The following PITPNC1 variants were observed in gnomAD, a reference collection of about 807,000 sequenced individuals.
The protein encoded by PITPNC1 is phosphatidylinositol transfer protein cytoplasmic 1.
In PITPNC1, 18 loss-of-function variants were observed where a neutral mutation model predicts 44.7. That is an observed-to-expected ratio of 0.40 (90% CI 0.28 to 0.60). The LOEUF (loss-of-function observed/expected upper bound fraction) is 0.60, where lower values mean the gene tolerates loss of function less well. PITPNC1 is among the 20% of genes least tolerant of loss of function. The pLI is 0.39. For missense variants in PITPNC1, 290 were observed against 418.4 expected (o/e 0.69, Z 2.68); for synonymous variants, 141 against 149.6 (o/e 0.94, Z 0.42).
chr17:67,551,048 G>A (rs1363359387), intron 2 of PITPNC1, among the ~76,000 whole-genome samples: 3 of 152,050 alleles, frequency 2.0e-5, no homozygotes, highest in South Asian at 2.1e-4. Context: ...GTGACAGAGC[G>A]AGACTCCGTG....
intron 1 of PITPNC1, among the ~76,000 whole-genome samples, chr17:67,401,846 GAAAAA>G (rs532449251): frequency 2.8e-5 from 4 of 144,734 alleles, no homozygotes; most frequent in African/African-American, 7.7e-5. Context: ...CTACCTCAAA[GAAAAA>G]AAAAAAAGAA....
intron 4 of PITPNC1, among the ~76,000 whole-genome samples, chr17:67,559,910 A>G (rs1344670539): frequency 6.6e-6 from 1 of 152,106 alleles, no homozygotes; most frequent in Non-Finnish European, 1.5e-5. Context: ...AAACCCAAAA[A>G]CAAAGAAGAT....
At chr17:67,427,464 G>A (rs966031489) in intron 1 of PITPNC1, among the ~76,000 whole-genome samples, 17 of 152,022 alleles carry the variant, frequency 1.1e-4, no homozygotes, top group Admixed American at 8.5e-4. Flanking sequence ...CTCCTGCCTC[G>A]GCCTCCCAAA....
At position 67,540,736 on chromosome 17, in the gene PITPNC1, A is replaced by G. The variant is rs189778128; in HGVS notation, c.197+7786A>G. Among the ~76,000 whole-genome samples, 4 of 152,350 alleles carry G rather than the reference A, an allele frequency of 2.6e-5. 1 individual carries two copies. The highest frequency in any genetic ancestry group is 7.2e-5 in the African/African-American group (3 of 41,586). ...GATTGAATAACAAAAGGTACAGATG[A>G]TGGATAGTGGCAACCAAGAGAGAAA... is the stretch of plus-strand genomic sequence containing the variant. On this transcript the variant is annotated intron_variant, in intron 2 of 8. Coordinates refer to ENST00000581322, the MANE Select transcript of PITPNC1 (RefSeq NM_012417.4).
At chr17:67,379,040 A>G in intron 1 of PITPNC1, 1 of 985,626 alleles carries the variant, frequency 1.0e-6, no homozygotes, top group Non-Finnish European at 1.2e-6. Flanking sequence ...GGAAGTGGTG[A>G]CTCAGATAGG....
chr17:67,632,230 G>T lies in PITPNC1; in HGVS notation c.454G>T (p.Glu152Ter), dbSNP rs2041980361. The T allele has an allele frequency of 6.3e-7, 1 of 1,594,742 alleles. No homozygotes were observed. The highest frequency in any genetic ancestry group is 8.6e-7 in the Non-Finnish European group (1 of 1,162,500). ...TGAAATTCCAGAGCGCTACTACAAA[G>T]AATCTGAGGTAAGCAACAGTTGGGA... is the stretch of plus-strand genomic sequence containing the variant. ...CDEIPERYYK[E>*]SEDPKHFKSE... The change falls in exon 6 of 9, where the codon GAA becomes TAA. Residue 152 changes from glutamate (E) to a stop codon, truncating the protein, a stop_gained. Transcript: ENST00000581322. LOFTEE classifies it high-confidence loss of function.
intron 4 of PITPNC1, among the ~76,000 whole-genome samples, chr17:67,554,206 C>T (rs2040804175): frequency 1.3e-5 from 2 of 151,550 alleles, no homozygotes; most frequent in Admixed American, 1.3e-4. Context: ...GATCATTTTC[C>T]CAAGCAGCTA....
chr17:67,379,961 T>G (rs1344700360), intron 1 of PITPNC1, among the ~76,000 whole-genome samples: 1 of 152,204 alleles, frequency 6.6e-6, no homozygotes, highest in Non-Finnish European at 1.5e-5. Context: ...GGCAGATGCT[T>G]TTCCCACTTT....
intron 1 of PITPNC1, among the ~76,000 whole-genome samples, chr17:67,400,595 AGTAACAC>A (rs1456835271): frequency 6.6e-6 from 1 of 152,060 alleles, no homozygotes; most frequent in Non-Finnish European, 1.5e-5. Flanking sequence ...GATTTCCTGT[AGTAACAC>A]AAGGAAAGAT....
At chr17:67,428,391 T>A (rs186268039) in intron 1 of PITPNC1, among the ~76,000 whole-genome samples, 26 of 151,964 alleles carry the variant, frequency 1.7e-4, no homozygotes, top group Admixed American at 7.2e-4. Context: ...AAAACAAAAA[T>A]TAGCAGGGCA....
chr17:67,496,653 A>C (rs1294519355), intron 1 of PITPNC1, among the ~76,000 whole-genome samples: 1 of 152,012 alleles, frequency 6.6e-6, no homozygotes, highest in Non-Finnish European at 1.5e-5. Context: ...TAATGGGTTC[A>C]CTCTGTGGGA....
chr17:67,548,256 G>T (rs750996269), intron 2 of PITPNC1, among the ~76,000 whole-genome samples: 8 of 152,176 alleles, frequency 5.3e-5, no homozygotes, highest in Admixed American at 1.3e-4. Context: ...TGTCCACTTG[G>T]CTGTGTCATT....
At chr17:67,385,051 C>T (rs187964570) in intron 1 of PITPNC1, among the ~76,000 whole-genome samples, 17 of 152,232 alleles carry the variant, frequency 1.1e-4, no homozygotes, top group Admixed American at 6.5e-4. Flanking sequence ...CAGGGTCATG[C>T]GTGTGATTTC....
rs1221933257 is a variant in PITPNC1 at position 67,696,275 on chromosome 17, T to C, written c.*3387T>C. On this transcript the variant is annotated 3_prime_UTR_variant, in exon 9 of 9. Coordinates refer to ENST00000581322, the MANE Select transcript of PITPNC1 (RefSeq NM_012417.4). The stretch of plus-strand genomic sequence containing the variant: ...AGTGAACTAAGAGAATAGATTCTGA[T>C]ACATCTCGATAAATCATTCTCTGCA... 1 of 152,234 alleles carries C rather than the reference T, an allele frequency of 6.6e-6. No homozygotes were observed. Among genetic ancestry groups the C allele is most frequent in the Non-Finnish European group, 1.5e-5 (1 of 68,040 alleles). The allele number at this position is 152,234 out of a possible 1,614,324, so 9.4% of individuals were successfully genotyped here.
At chr17:67,635,064 CA>C (rs1172590671) in intron 6 of PITPNC1, among the ~76,000 whole-genome samples, 2 of 152,154 alleles carry the variant, frequency 1.3e-5, no homozygotes, top group African/African-American at 4.8e-5. Context: ...GCCTGGGCAA[CA>C]GAGACTCGGT....
intron 1 of PITPNC1, among the ~76,000 whole-genome samples, chr17:67,380,806 C>T (rs1401856772): frequency 1.3e-5 from 2 of 152,134 alleles, no homozygotes; most frequent in African/African-American, 4.8e-5. Context: ...CACGGTCTCG[C>T]TCTGTCATCC....
chr17:67,424,636 G>T (rs145802595), intron 1 of PITPNC1, among the ~76,000 whole-genome samples: 8 of 152,064 alleles, frequency 5.3e-5, no homozygotes, highest in African/African-American at 1.9e-4. Flanking sequence ...CTGCTTGGGC[G>T]ACAGAGGAAG....
chr17:67,601,628 G>C (rs2041541404), intron 5 of PITPNC1, among the ~76,000 whole-genome samples: 1 of 152,038 alleles, frequency 6.6e-6, no homozygotes, highest in African/African-American at 2.4e-5. Context: ...GGTGGTGCGT[G>C]CCTATAGTCC....
At chr17:67,692,136 CATTG>C (rs1182451112) in intron 8 of PITPNC1, among the ~76,000 whole-genome samples, 13 of 152,130 alleles carry the variant, frequency 8.5e-5, no homozygotes, top group African/African-American at 1.9e-4. Flanking sequence ...ATTTCAGGGC[CATTG>C]ATTGTTTTAA....
Sources: allele counts gnomAD v4.1 joint callset (sites outside exome capture counted in the v4.1 genomes callset), GRCh38; gene constraint gnomAD v4.1.1; transcripts MANE v1.5; gene names NCBI Gene and HGNC (gene_info 2026-07-23, HGNC 2026-07-21).